Variants in ESR1 observed in about 807,000 individuals in gnomAD.
ESR1 encodes estrogen receptor 1.
ESR1 carries 12 observed loss-of-function variants against 52.7 expected under a neutral mutation model. That is an observed-to-expected ratio of 0.23 (90% CI 0.15 to 0.37). The LOEUF is 0.37. ESR1 is among the 10% of genes least tolerant of loss of function. The pLI, the probability that ESR1 is intolerant of heterozygous loss-of-function variation, is 1.00. For missense variants in ESR1, 584 were observed against 779.7 expected (o/e 0.75, Z 2.99); for synonymous variants, 305 against 316.8 (o/e 0.96, Z 0.39).
intron 2 of ESR1, among the ~76,000 whole-genome samples, chr6:151,795,518 A>T (rs930131086): frequency 1.7e-4 from 26 of 151,328 alleles, no homozygotes; most frequent in Non-Finnish European, 2.8e-4. Context: ...ATCTGGAAAG[A>T]TAGATTACTT....
intron 2 of ESR1, among the ~76,000 whole-genome samples, chr6:151,710,814 T>C (rs914761790): frequency 3.3e-5 from 5 of 152,136 alleles, no homozygotes; most frequent in Non-Finnish European, 7.3e-5. Context: ...GGTTTGATGT[T>C]CCTGTGTTAG....
chr6:151,914,623 T>C (rs1418809881), intron 3 of ESR1, among the ~76,000 whole-genome samples: 1 of 152,008 alleles, frequency 6.6e-6, no homozygotes, highest in Admixed American at 6.6e-5. Context: ...AAAAAAGGAG[T>C]ATGGACATTG....
intron 2 of ESR1, among the ~76,000 whole-genome samples, chr6:151,755,862 C>G (rs1784245526): frequency 6.6e-6 from 1 of 152,082 alleles, no homozygotes; most frequent in Non-Finnish European, 1.5e-5. Flanking sequence ...AACTCCTGAC[C>G]TCAGGTGATC....
intron 4 of ESR1, among the ~76,000 whole-genome samples, chr6:151,956,503 C>A (rs2036929309): frequency 6.6e-6 from 1 of 152,170 alleles, no homozygotes; most frequent in African/African-American, 2.4e-5. Flanking sequence ...CTGTTCCAAG[C>A]ATTTTACCCC....
chr6:151,924,641 T>C (rs1013017569), intron 3 of ESR1, among the ~76,000 whole-genome samples: 2 of 152,140 alleles, frequency 1.3e-5, no homozygotes, highest in Admixed American at 6.6e-5. Flanking sequence ...TTTATGCCCA[T>C]TGGTTCTCAT....
At chr6:151,668,474 G>A (rs9479091) in intron 1 of ESR1, among the ~76,000 whole-genome samples, 22,089 of 151,852 alleles carry the variant, frequency 0.15, 2,242 homozygotes, top group East Asian at 0.36. Context: ...TAGTAGAGAC[G>A]GGGTTTCACC....
intron 2 of ESR1, among the ~76,000 whole-genome samples, chr6:151,869,739 C>T (rs566442252): frequency 6.6e-6 from 1 of 152,152 alleles, no homozygotes; most frequent in South Asian, 2.1e-4. Flanking sequence ...AAATTTCTTT[C>T]CTAGAATTCC....
intron 5 of ESR1, among the ~76,000 whole-genome samples, chr6:152,034,528 T>C (rs763828834): frequency 6.6e-6 from 1 of 152,160 alleles, no homozygotes; most frequent in Non-Finnish European, 1.5e-5. Context: ...ATGTTCTGAA[T>C]GTTTTTCCTT....
intron 6 of ESR1, among the ~76,000 whole-genome samples, chr6:152,071,018 T>C (rs2048311972): frequency 1.0e-5 from 1 of 98,104 alleles, no homozygotes; most frequent in Non-Finnish European, 1.8e-5. Flanking sequence ...GTGGTAGAAA[T>C]ACAAAGTTGC....
chr6:152,125,278 T>C lies in ESR1; in HGVS notation c.863T>C (p.Val288Ala), dbSNP rs1329472432. 8 of 1,550,458 alleles carry C rather than the reference T, an allele frequency of 5.2e-6. No individual in the cohort carries two copies. In the South Asian group the frequency reaches 8.3e-5, roughly 16 times the overall value. Residue 288 changes from valine to alanine, a missense_variant, in exon 7 of 7, where the codon GTA becomes GCA. By Grantham distance (64) the Val-to-Ala change is moderately conservative. Coordinates refer to the ESR1 transcript ENST00000427531. ...ATTCATTTCACAGGTATCTCACATG[T>C]AGAAGCAAAGAAGAGAATCCTGAAC... is the stretch of plus-strand genomic sequence containing the variant.
chr6:151,660,327 T>C (rs1364017947), intron 1 of ESR1, among the ~76,000 whole-genome samples: 2 of 152,224 alleles, frequency 1.3e-5, no homozygotes, highest in Admixed American at 1.3e-4. Context: ...AGTACAGTGG[T>C]TAGTTTCAGT....
At position 152,098,724 on chromosome 6, in the gene ESR1, A is replaced by G; in HGVS notation, c.1554-8A>G. 1 of 1,612,452 alleles carries G rather than the reference A, an allele frequency of 6.2e-7. No individual in the cohort carries two copies. The highest frequency in any genetic ancestry group is 8.5e-7 in the Non-Finnish European group (1 of 1,178,692). On this transcript the variant is annotated splice_polypyrimidine_tract_variant and splice_region_variant and intron_variant, in intron 7 of 7. Coordinates refer to ENST00000206249, the MANE Select transcript of ESR1 (RefSeq NM_000125.4). The surrounding 1 kb of genome is among the most constrained non-coding windows in gnomAD (Gnocchi z 5.1). ...AAAGTAGTCCTTTCTGTGTCTTCCCACCTACAGTAACAAAGGCATGGAGCA... is the reference window on the plus strand; with the variant it reads ...AAAGTAGTCCTTTCTGTGTCTTCCCGCCTACAGTAACAAAGGCATGGAGCA...
intron 4 of ESR1, among the ~76,000 whole-genome samples, chr6:151,999,925 A>T (rs934297075): frequency 1.3e-5 from 2 of 152,118 alleles, no homozygotes; most frequent in African/African-American, 4.8e-5. Context: ...CAAATGGAAT[A>T]AAAATATTTA....
At chr6:151,661,480 C>T (rs904335017) in intron 1 of ESR1, among the ~76,000 whole-genome samples, 1 of 152,222 alleles carries the variant, frequency 6.6e-6, no homozygotes, top group African/African-American at 2.4e-5. Flanking sequence ...CACAAGCCCT[C>T]ACTTTGTTCT....
intron 5 of ESR1, among the ~76,000 whole-genome samples, chr6:152,049,564 A>C (rs1199112633): frequency 1.3e-5 from 2 of 152,218 alleles, no homozygotes; most frequent in Non-Finnish European, 2.9e-5. Flanking sequence ...TTGCACCAGC[A>C]TGAATGGAGA....
chr6:151,691,532 G>T (rs972286542), intron 1 of ESR1, among the ~76,000 whole-genome samples: 1 of 152,186 alleles, frequency 6.6e-6, no homozygotes, highest in Non-Finnish European at 1.5e-5. Context: ...TCGATAGAAG[G>T]GTTGGGCTTA....
intron 1 of ESR1, among the ~76,000 whole-genome samples, chr6:151,684,306 A>C (rs1014714025): frequency 1.3e-5 from 2 of 152,110 alleles, no homozygotes; most frequent in African/African-American, 4.8e-5. Context: ...GGGAGCAGGG[A>C]AAGAGAGGTT....
chr6:151,680,003 C>T (rs1778394626), intron 1 of ESR1, among the ~76,000 whole-genome samples: 1 of 152,064 alleles, frequency 6.6e-6, no homozygotes, highest in African/African-American at 2.4e-5. Flanking sequence ...CTGTCACCAT[C>T]TGACTTTCTT....
At chr6:151,733,348 T>C (rs796187851) in intron 2 of ESR1, among the ~76,000 whole-genome samples, 76 of 152,320 alleles carry the variant, frequency 5.0e-4, no homozygotes, top group African/African-American at 1.8e-3. Context: ...CATCACATAG[T>C]GAAATTAATC....
Sources: gnomAD v4.1 joint callset for allele counts (sites outside exome capture counted in the v4.1 genomes callset) on GRCh38, gnomAD v4.1.1 for gene constraint, Gnocchi (gnomAD v3.1) non-coding constraint, MANE v1.5 for transcripts, NCBI Gene and HGNC (gene_info 2026-07-23, HGNC 2026-07-21) for gene names.